XG: variants seen among roughly 807,000 people sequenced by gnomAD.
XG encodes the protein glycoprotein Xg.
In XG, 24 loss-of-function variants were observed where a neutral mutation model predicts 25.7. That is an observed-to-expected ratio of 0.93 (90% CI 0.68 to 1.31). The LOEUF (loss-of-function observed/expected upper bound fraction) is 1.31. XG is among the 40% of genes most tolerant of loss of function. The pLI is 0.00. For synonymous variants in XG, 77 were observed against 69.2 expected, an observed-to-expected ratio of 1.11 and a Z score of -0.56; for missense variants, 181 against 187.6, an observed-to-expected ratio of 0.96 and a Z score of 0.21.
At position 2,814,296 on chromosome X, in the gene XG, T is replaced by G. The variant is rs540292567; in HGVS notation, c.572-68T>G. 3 of 1,117,157 alleles carry G rather than the reference T, an allele frequency of 2.7e-6. No homozygotes were observed. The South Asian group carries it at 6.2e-5, about 23-fold the overall frequency. The allele number at this position is 1,117,157 out of a possible 1,213,427, so 92.1% of individuals were successfully genotyped here. A position where few individuals can be genotyped will look rare whatever the true frequency, so the allele number is the denominator to read the frequency against. ...GCATAGAATTGGATCTTGGTTTTCT[T>G]TTTCTCTGTTTAATAAGACTTTTTT... is the stretch of plus-strand genomic sequence containing the variant. On this transcript the variant is annotated intron_variant, in intron 10 of 10. Transcript: ENST00000644266.
At chrX:2,766,181 G>GC (rs2124433125) in intron 1 of XG, among the ~76,000 whole-genome samples, 2 of 151,946 alleles carry the variant, frequency 1.3e-5, no homozygotes, top group East Asian at 3.9e-4. Flanking sequence ...TCACTCTGTT[G>GC]CCAGGCTGGA....
In XG at chrX:2,809,073, A is replaced by C. The variant is rs371031305; in HGVS notation, c.454+853A>C. 3.9e-4 allele frequency among the ~76,000 whole-genome samples: 43 copies of C among 111,394 alleles called. 1 individual carries two copies. In the East Asian group the frequency reaches 5.9e-3, roughly 15 times the overall value. ...GGATACTCCTAGACTAGGTTAGGTG[A>C]GGGAGGTAGGGTTTCCTGGAGAGAA... On this transcript the variant is annotated intron_variant, in intron 9 of 10. Coordinates refer to ENST00000644266, the MANE Select transcript of XG (RefSeq NM_001141919.2).
chrX:2,796,466 A>ATGTGTG (rs1285407658), intron 6 of XG, among the ~76,000 whole-genome samples: 3 of 51,576 alleles, frequency 5.8e-5, no homozygotes, highest in Non-Finnish European at 1.2e-4. Flanking sequence ...ACATTTAGGT[A>ATGTGTG]TATGTGTGTG....
chrX:2,782,264 C>T lies in XG; in HGVS notation c.190+136C>T, dbSNP rs2086737115. 9.7e-6 allele frequency: 7 copies of T among 720,524 alleles called. No homozygotes were observed. In the South Asian group the frequency reaches 1.8e-4, roughly 18 times the overall value. The allele number at this position is 720,524 out of a possible 1,213,427, so 59.4% of individuals were successfully genotyped here. ...CCCTTACTGGGAATGTAGTTTCTTT[C>T]CTCACTGGGGGGAGCAAGAAAGTCC... On this transcript the variant is annotated intron_variant, in intron 4 of 10. Coordinates refer to ENST00000644266, the MANE Select transcript of XG (RefSeq NM_001141919.2).
rs1366341253 is a variant in XG at position 2,752,123 on chromosome X, G to A, written c.-152G>A. On this transcript the variant is annotated 5_prime_UTR_variant, in exon 1 of 11. Transcript: ENST00000644266. ...TGAGCTTGGAGCCCATTTGTTTCTG[G>A]CAGTTCCGCTCATATTTTCCACTTG... 1.7e-5 allele frequency: 24 copies of A among 1,371,762 alleles called. No individual in the cohort carries two copies. The Admixed American group carries it at 5.5e-4, about 32-fold the overall frequency. The allele number at this position is 1,371,762 out of a possible 1,614,324, so 85.0% of individuals were successfully genotyped here.
In XG at chrX:2,756,701, C is replaced by T. The variant is rs182334921; in HGVS notation, c.61+4366C>T. 5.6e-4 allele frequency among the ~76,000 whole-genome samples: 85 copies of T among 152,294 alleles called. 1 individual carries two copies. The East Asian group carries it at 0.015, about 28-fold the overall frequency. On this transcript the variant is annotated intron_variant, in intron 1 of 10. Transcript: ENST00000644266. ...ATCAGATTTGAAACCTGAGAGTTCC[C>T]TGACGCCCCCTCACAGGATGTGCAA... is the stretch of plus-strand genomic sequence containing the variant.
Position 2,778,668 on chromosome X carries a change from G to A in XG, c.128-3398G>A, listed in dbSNP as rs191089678. 2.8e-4 allele frequency among the ~76,000 whole-genome samples: 43 copies of A among 152,228 alleles called. 1 individual carries two copies. The highest frequency in any genetic ancestry group is 9.1e-4 in the African/African-American group (38 of 41,534). ...TGTGTCTTGGCATATGAGAGAGGTC[G>A]CAGCTATAAAACAATGAGAGAAGAA... is the stretch of plus-strand genomic sequence containing the variant. On this transcript the variant is annotated intron_variant, in intron 3 of 10. Transcript: ENST00000644266.
intron 7 of XG, among the ~76,000 whole-genome samples, chrX:2,801,787 C>A (rs1228608427): frequency 9.0e-6 from 1 of 111,070 alleles, no homozygotes; most frequent in African/African-American, 3.3e-5. Context: ...CGGCTCACTG[C>A]AAGCTCCGCC....
chrX:2,779,299 G>A (rs2051068673), intron 3 of XG, among the ~76,000 whole-genome samples: 1 of 144,584 alleles, frequency 6.9e-6, no homozygotes, highest in Non-Finnish European at 1.5e-5. Flanking sequence ...TCCTGCCATT[G>A]CACTCCAGCT....
At chrX:2,766,172 C>T (rs2124433074) in intron 1 of XG, among the ~76,000 whole-genome samples, 1 of 152,144 alleles carries the variant, frequency 6.6e-6, no homozygotes, top group East Asian at 1.9e-4. Context: ...GACGGAGTCT[C>T]ACTCTGTTGC....
chrX:2,793,336 A>C (rs945824581), intron 5 of XG, among the ~76,000 whole-genome samples: 3 of 111,875 alleles, frequency 2.7e-5, no homozygotes, highest in African/African-American at 9.7e-5. Context: ...GGCAGACTCC[A>C]AGGGTTAATT....
At chrX:2,803,343 A>G (rs1249299625) in intron 7 of XG, among the ~76,000 whole-genome samples, 1 of 110,809 alleles carries the variant, frequency 9.0e-6, no homozygotes, top group Admixed American at 9.6e-5. Context: ...TTTTGTAGAG[A>G]TGGGGTCTCA....
intron 1 of XG, among the ~76,000 whole-genome samples, chrX:2,754,066 G>T (rs2050385190): frequency 6.6e-6 from 1 of 152,078 alleles, no homozygotes; most frequent in Non-Finnish European, 1.5e-5. Context: ...TGTATTAAAT[G>T]CACTTACAAC....
At chrX:2,789,152 G>A (rs1444029841) in intron 4 of XG, among the ~76,000 whole-genome samples, 10 of 110,560 alleles carry the variant, frequency 9.0e-5, no homozygotes, top group African/African-American at 3.3e-4. Flanking sequence ...GATTGTTTGA[G>A]CCTAGGAACT....
At chrX:2,763,091 G>C (rs2050600919) in intron 1 of XG, among the ~76,000 whole-genome samples, 1 of 152,154 alleles carries the variant, frequency 6.6e-6, no homozygotes, top group South Asian at 2.1e-4. Flanking sequence ...TTGGCTCAGT[G>C]CAACCTCCAG....
chrX:2,776,220 G>A (rs2050987367), intron 3 of XG, among the ~76,000 whole-genome samples: 1 of 152,106 alleles, frequency 6.6e-6, no homozygotes, highest in African/African-American at 2.4e-5. Context: ...CTGAGGAAGG[G>A]GCTTGATTAA....
intron 1 of XG, among the ~76,000 whole-genome samples, chrX:2,760,649 C>T (rs1385241062): frequency 2.1e-5 from 3 of 145,974 alleles, no homozygotes; most frequent in East Asian, 2.1e-4. Flanking sequence ...GCAGGAGAAT[C>T]GCTTGAACCT....
At chrX:2,763,241 T>C (rs1244186034) in intron 1 of XG, among the ~76,000 whole-genome samples, 2 of 152,282 alleles carry the variant, frequency 1.3e-5, no homozygotes, top group East Asian at 3.9e-4. Context: ...CTGGAACTCC[T>C]GACCTCAGGT....
At chrX:2,754,241 G>C (rs1348374706) in intron 1 of XG, among the ~76,000 whole-genome samples, 1 of 152,080 alleles carries the variant, frequency 6.6e-6, no homozygotes, top group African/African-American at 2.4e-5. Context: ...TGGGACTACA[G>C]GCATTTGCCG....
Sources: allele counts gnomAD v4.1 joint callset (sites outside exome capture counted in the v4.1 genomes callset), GRCh38; gene constraint gnomAD v4.1.1; transcripts MANE v1.5; gene names NCBI Gene and HGNC (gene_info 2026-07-23, HGNC 2026-07-21).